The following SLC44A1 variants were observed in gnomAD, a reference collection of about 807,000 sequenced individuals.
SLC44A1 encodes the protein solute carrier family 44 member 1.
SLC44A1 carries 26 observed loss-of-function variants against 79.3 expected under a neutral mutation model. The observed-to-expected ratio is 0.33, with a 90% confidence interval of 0.24 to 0.46. The LOEUF is 0.46. Ranked by LOEUF, SLC44A1 falls within the 20% of genes least tolerant of loss-of-function variation. The pLI, the probability that SLC44A1 is intolerant of heterozygous loss-of-function variation, is 1.00. For missense variants in SLC44A1, 688 were observed against 798.1 expected (o/e 0.86, Z 1.66); for synonymous variants, 263 against 286.2 (o/e 0.92, Z 0.82).
At chr9:105,292,263 AG>A (rs1830618783) in intron 1 of SLC44A1, among the ~76,000 whole-genome samples, 1 of 152,244 alleles carries the variant, frequency 6.6e-6, no homozygotes, top group Non-Finnish European at 1.5e-5. Flanking sequence ...ACTCATTGTT[AG>A]TAGGAATCTC....
rs941502380 is a variant in SLC44A1 at position 105,389,968 on chromosome 9, C to T, written c.*912C>T. 1.2e-5 allele frequency: 18 copies of T among 1,470,314 alleles called. No individual in the cohort carries two copies. The highest frequency in any genetic ancestry group is 2.9e-5 in the African/African-American group (2 of 70,152). 91.1% of individuals were successfully genotyped at this position (1,470,314 alleles called of 1,614,324 possible). On this transcript the variant is annotated 3_prime_UTR_variant, in exon 16 of 16. Coordinates refer to ENST00000374720, the MANE Select transcript of SLC44A1 (RefSeq NM_080546.5). Reference sequence around the variant, plus strand: ...ATGGAACATAAAGCATTGAAAATTCCGGTGCTTGGGCTTCGGCTTCAGAGT... The same window carrying T: ...ATGGAACATAAAGCATTGAAAATTCTGGTGCTTGGGCTTCGGCTTCAGAGT...
intron 1 of SLC44A1, among the ~76,000 whole-genome samples, chr9:105,287,864 C>A (rs976966784): frequency 6.6e-6 from 1 of 152,138 alleles, no homozygotes; most frequent in Non-Finnish European, 1.5e-5. Flanking sequence ...TTGAAGTGTT[C>A]TAATCTCCCA....
chr9:105,279,615 C>T (rs530296831), intron 1 of SLC44A1, among the ~76,000 whole-genome samples: 15 of 152,206 alleles, frequency 9.9e-5, no homozygotes, highest in African/African-American at 3.6e-4. Context: ...TGCGCCTGGC[C>T]GAGAAAACTG....
At chr9:105,340,124 T>C (rs1827042586) in intron 4 of SLC44A1, among the ~76,000 whole-genome samples, 1 of 152,254 alleles carries the variant, frequency 6.6e-6, no homozygotes, top group Admixed American at 6.5e-5. Flanking sequence ...TGTACCACAA[T>C]ATGCATATAG....
intron 1 of SLC44A1, among the ~76,000 whole-genome samples, chr9:105,252,140 T>A (rs1386949635): frequency 2.0e-5 from 3 of 152,252 alleles, no homozygotes; most frequent in African/African-American, 7.2e-5. Context: ...TTTACTTGTC[T>A]ATAGCTGCTT....
intron 3 of SLC44A1, among the ~76,000 whole-genome samples, chr9:105,315,053 T>C (rs1831283565): frequency 6.6e-6 from 1 of 152,160 alleles, no homozygotes; most frequent in African/African-American, 2.4e-5. Flanking sequence ...TTTCCCACCT[T>C]TTTTGCTTTG....
chr9:105,376,637 G>A (rs188964302), intron 13 of SLC44A1, among the ~76,000 whole-genome samples: 263 of 152,206 alleles, frequency 1.7e-3, no homozygotes, highest in African/African-American at 6.0e-3. Flanking sequence ...GCCTCCCAAA[G>A]TGCTGGGATT....
chr9:105,345,119 T>C (rs1827209838), intron 4 of SLC44A1, among the ~76,000 whole-genome samples: 1 of 152,200 alleles, frequency 6.6e-6, no homozygotes, highest in South Asian at 2.1e-4. Flanking sequence ...GATAGAGATA[T>C]GATATGACTA....
chr9:105,251,158 A>C (rs1292944042), intron 1 of SLC44A1, among the ~76,000 whole-genome samples: 1 of 152,190 alleles, frequency 6.6e-6, no homozygotes, highest in Non-Finnish European at 1.5e-5. Flanking sequence ...TGTACAGGCA[A>C]CTCAAACTCA....
chr9:105,433,385 CA>C (rs1829422998), intron 15 of SLC44A1, among the ~76,000 whole-genome samples: 1 of 152,082 alleles, frequency 6.6e-6, no homozygotes, highest in South Asian at 2.1e-4. Flanking sequence ...GGGTACCCCA[CA>C]AAAGGGGATA....
chr9:105,336,581 G>A lies in SLC44A1; in HGVS notation c.406+882G>A, dbSNP rs957025158. Among the ~76,000 whole-genome samples, 3 of 152,266 alleles carry A rather than the reference G, an allele frequency of 2.0e-5. No individual in the cohort carries two copies. In the East Asian group the frequency reaches 5.8e-4, roughly 29 times the overall value. ...TTTGTGTGTAGGAATCCTCAGAGCT[G>A]CCTTGATCCTGCCCAGATCCACAGG... is the stretch of plus-strand genomic sequence containing the variant. On this transcript the variant is annotated intron_variant, in intron 4 of 15. Coordinates refer to ENST00000374720, the MANE Select transcript of SLC44A1 (RefSeq NM_080546.5).
At chr9:105,361,538 C>T (rs551983589) in intron 8 of SLC44A1, among the ~76,000 whole-genome samples, 1 of 152,194 alleles carries the variant, frequency 6.6e-6, no homozygotes, top group Non-Finnish European at 1.5e-5. Context: ...TTTTTTCTAC[C>T]CTGTCTGCTT....
At chr9:105,329,133 T>TA (rs1826672682) in intron 3 of SLC44A1, among the ~76,000 whole-genome samples, 2 of 152,302 alleles carry the variant, frequency 1.3e-5, no homozygotes, top group East Asian at 3.9e-4. Context: ...AAGCCTCCGC[T>TA]AGGCTGTCAT....
In SLC44A1 at chr9:105,390,953, ATAAC is replaced by A. The variant is rs1439061351; in HGVS notation, c.*1902_*1905del. On this transcript the variant is annotated 3_prime_UTR_variant, in exon 16 of 16. Transcript: ENST00000374720. ...ATTCATTTGAAATGAATATAATTAT[ATAAC>A]TAACAATTGTCCAAATAGATGAGAG... 1.0e-6 allele frequency: 1 copy of A among 981,898 alleles called. No individual in the cohort carries two copies. The highest frequency in any genetic ancestry group is 1.2e-6 in the Non-Finnish European group (1 of 826,362). The allele number at this position is 981,898 out of a possible 1,614,324, so 60.8% of individuals were successfully genotyped here.
chr9:105,336,160 G>A (rs1826915242), intron 4 of SLC44A1, among the ~76,000 whole-genome samples: 1 of 151,792 alleles, frequency 6.6e-6, no homozygotes, highest in African/African-American at 2.4e-5. Flanking sequence ...GTGTGTGTGT[G>A]TGTATCTCCC....
intron 1 of SLC44A1, among the ~76,000 whole-genome samples, chr9:105,274,628 C>CT (rs1246762165): frequency 3.3e-5 from 5 of 152,210 alleles, no homozygotes; most frequent in African/African-American, 1.2e-4. Flanking sequence ...ACCTATCATT[C>CT]TGATCATGAA....
At chr9:105,281,634 AGGGCTTCCATCAG>A (rs1830355132) in intron 1 of SLC44A1, among the ~76,000 whole-genome samples, 1 of 152,176 alleles carries the variant, frequency 6.6e-6, no homozygotes, top group Admixed American at 6.5e-5. Context: ...TTGTTGACAT[AGGGCTTCCATCAG>A]GGGCTTGCAC....
chr9:105,293,924 A>G (rs1012040456), intron 1 of SLC44A1, among the ~76,000 whole-genome samples: 1 of 152,192 alleles, frequency 6.6e-6, no homozygotes, highest in East Asian at 1.9e-4. Flanking sequence ...TGACTTCTCT[A>G]AGAGATACCA....
chr9:105,315,128 T>C (rs1397618371), intron 3 of SLC44A1, among the ~76,000 whole-genome samples: 1 of 152,188 alleles, frequency 6.6e-6, no homozygotes, highest in Non-Finnish European at 1.5e-5. Flanking sequence ...CGAGTCCCCA[T>C]TCACATTAAA....
Sources: allele counts gnomAD v4.1 joint callset (sites outside exome capture counted in the v4.1 genomes callset), GRCh38; gene constraint gnomAD v4.1.1; transcripts MANE v1.5; gene names NCBI Gene and HGNC (gene_info 2026-07-23, HGNC 2026-07-21).